TBC1D22A: variants seen among roughly 807,000 people sequenced by gnomAD.
The protein encoded by TBC1D22A is putative GTPase activator.
TBC1D22A carries 38 observed loss-of-function variants against 60.2 expected under a neutral mutation model. The observed-to-expected ratio is 0.63, with a 90% CI of 0.49 to 0.83. The LOEUF (loss-of-function observed/expected upper bound fraction) is 0.83. Among genes scored for constraint, TBC1D22A ranks in the 40% least tolerant of loss-of-function variants. TBC1D22A has a pLI of 0.00. For missense variants in TBC1D22A, 628 were observed against 701.0 expected (o/e 0.90, Z 1.18); for synonymous variants, 302 against 281.7 (o/e 1.07, Z -0.72).
At chr22:46,915,067 A>G in intron 8 of TBC1D22A, 1 of 260,978 alleles carries the variant, frequency 3.8e-6, no homozygotes, top group South Asian at 4.6e-5. Flanking sequence ...AAGTAGTGGC[A>G]TTGGGAGGAA....
chr22:47,169,985 C>A (rs557350505), intron 12 of TBC1D22A, among the ~76,000 whole-genome samples: 1 of 152,248 alleles, frequency 6.6e-6, no homozygotes, highest in Non-Finnish European at 1.5e-5. Context: ...CGTGGTGGCC[C>A]CTCTGCCTGC....
chr22:46,873,077 T>G (rs899325682), intron 4 of TBC1D22A, among the ~76,000 whole-genome samples: 2 of 152,142 alleles, frequency 1.3e-5, no homozygotes, highest in African/African-American at 4.8e-5. Flanking sequence ...GGCAATAAAT[T>G]GATACTTGGG....
chr22:47,099,382 G>A (rs570554471), intron 11 of TBC1D22A, among the ~76,000 whole-genome samples: 10 of 152,306 alleles, frequency 6.6e-5, no homozygotes, highest in African/African-American at 1.4e-4. Context: ...TTGGCCTACC[G>A]GAAGGCATGA....
chr22:46,857,172 G>C (rs2087612000), intron 4 of TBC1D22A, among the ~76,000 whole-genome samples: 1 of 152,230 alleles, frequency 6.6e-6, no homozygotes, highest in South Asian at 2.1e-4. Flanking sequence ...ACAAAAAACA[G>C]AACAACACAA....
At chr22:46,946,450 A>G (rs1035224189) in intron 8 of TBC1D22A, among the ~76,000 whole-genome samples, 3 of 152,168 alleles carry the variant, frequency 2.0e-5, no homozygotes, top group Admixed American at 2.0e-4. Flanking sequence ...CTTCTTGTCT[A>G]AAGGGTGGCA....
chr22:46,851,550 T>G (rs1369039850), intron 4 of TBC1D22A, among the ~76,000 whole-genome samples: 1 of 152,226 alleles, frequency 6.6e-6, no homozygotes, highest in African/African-American at 2.4e-5. Context: ...TTTGAAACGG[T>G]TTGCCTTGGC....
chr22:46,801,958 G>A (rs1036305613), intron 4 of TBC1D22A, among the ~76,000 whole-genome samples: 8 of 152,362 alleles, frequency 5.3e-5, no homozygotes, highest in Middle Eastern at 3.4e-3. Context: ...CTTGGTGTCC[G>A]TGGCTCTAGG....
intron 12 of TBC1D22A, among the ~76,000 whole-genome samples, chr22:47,162,195 T>A (rs1301793528): frequency 6.9e-6 from 1 of 144,520 alleles, no homozygotes; most frequent in East Asian, 1.9e-4. Context: ...TAGTTTTCAT[T>A]TGAAAGGTTT....
intron 11 of TBC1D22A, among the ~76,000 whole-genome samples, chr22:47,099,979 G>A (rs527337488): frequency 6.6e-6 from 1 of 152,336 alleles, no homozygotes; most frequent in East Asian, 1.9e-4. Flanking sequence ...AACGAGGTGG[G>A]GCGGCCTGGG....
Position 46,823,671 on chromosome 22 carries a change from G to A in TBC1D22A, c.637+26051G>A, listed in dbSNP as rs575166752. 7.2e-5 allele frequency among the ~76,000 whole-genome samples: 11 copies of A among 152,366 alleles called. No individual in the cohort carries two copies. In the East Asian group the frequency reaches 2.1e-3, roughly 29 times the overall value. ...TAGAATAGTGCCTGGCACGTGGGCA[G>A]TACTTAATAAATGTTAGCGATGCTA... is the stretch of plus-strand genomic sequence containing the variant. On this transcript the variant is annotated intron_variant, in intron 4 of 12. Coordinates refer to ENST00000337137, the MANE Select transcript of TBC1D22A (RefSeq NM_014346.5).
chr22:46,768,791 G>A (rs2083384872), intron 1 of TBC1D22A, among the ~76,000 whole-genome samples: 2 of 152,042 alleles, frequency 1.3e-5, no homozygotes, highest in African/African-American at 2.4e-5. Context: ...GGAGTATGAC[G>A]TTTGAAAGTG....
At chr22:47,144,600 T>C (rs1191259168) in intron 12 of TBC1D22A, among the ~76,000 whole-genome samples, 1 of 152,224 alleles carries the variant, frequency 6.6e-6, no homozygotes, top group Non-Finnish European at 1.5e-5. Flanking sequence ...TCAGGGGCTC[T>C]CCAGAGTCAG....
chr22:46,864,629 T>A (rs1305409858), intron 4 of TBC1D22A, among the ~76,000 whole-genome samples: 1 of 152,250 alleles, frequency 6.6e-6, no homozygotes, highest in Non-Finnish European at 1.5e-5. Context: ...TCTTGCCCCC[T>A]ATTTTCACCT....
chr22:47,170,899 C>T (rs777594616), intron 12 of TBC1D22A, among the ~76,000 whole-genome samples: 262 of 19,538 alleles, frequency 0.013, 93 homozygotes, highest in African/African-American at 0.04. Context: ...GATGCAGGAC[C>T]GGAGAGAGGG....
chr22:47,040,520 C>T (rs1207973644), intron 11 of TBC1D22A, among the ~76,000 whole-genome samples: 3 of 147,350 alleles, frequency 2.0e-5, no homozygotes, highest in South Asian at 2.1e-4. Flanking sequence ...CAGAGGGCAT[C>T]GGTAAGTCTG....
intron 8 of TBC1D22A, chr22:46,913,772 A>G: frequency 1.0e-6 from 1 of 985,278 alleles, no homozygotes; most frequent in Non-Finnish European, 1.2e-6. Context: ...TTAATGTGGT[A>G]AATAAGTTTG....
chr22:46,931,586 C>T (rs1308689362), intron 8 of TBC1D22A, among the ~76,000 whole-genome samples: 2 of 152,358 alleles, frequency 1.3e-5, no homozygotes, highest in South Asian at 2.1e-4. Context: ...CCACAGCCAG[C>T]AGAGGGTGCC....
chr22:46,940,699 T>G (rs9615423), intron 8 of TBC1D22A, among the ~76,000 whole-genome samples: 17,827 of 135,896 alleles, frequency 0.13, 1,230 homozygotes, highest in African/African-American at 0.2. Context: ...TATATATATA[T>G]GTGTGTATGT....
At chr22:47,096,933 G>A (rs1446186303) in intron 11 of TBC1D22A, among the ~76,000 whole-genome samples, 1 of 152,256 alleles carries the variant, frequency 6.6e-6, no homozygotes, top group East Asian at 1.9e-4. Context: ...GTGCAACAGA[G>A]TCCAGTTTCA....
Sources: gnomAD v4.1 joint callset for allele counts (sites outside exome capture counted in the v4.1 genomes callset) on GRCh38, gnomAD v4.1.1 for gene constraint, MANE v1.5 for transcripts, NCBI Gene and HGNC (gene_info 2026-07-23, HGNC 2026-07-21) for gene names.